Variants in PKD1L1 observed in about 807,000 individuals in gnomAD.
PKD1L1 encodes polycystin-1-like protein 1.
A neutral mutation model predicts 323.4 loss-of-function variants in PKD1L1; 236 were observed. The ratio of observed to expected loss-of-function variants is 0.73; its 90% CI spans 0.66 to 0.81. PKD1L1 has a LOEUF of 0.81. Ranked by LOEUF, PKD1L1 falls within the 40% of genes least tolerant of loss-of-function variation. The pLI, the probability that PKD1L1 is intolerant of heterozygous loss-of-function variation, is 0.00. For synonymous variants in PKD1L1, 1,344 were observed against 1,335.0 expected (o/e 1.01, Z -0.15); for missense variants, 3,320 against 3,508.0 (o/e 0.95, Z 1.35).
chr7:47,867,274 C>A (rs982153591), intron 24 of PKD1L1, among the ~76,000 whole-genome samples: 1 of 152,098 alleles, frequency 6.6e-6, no homozygotes, highest in Non-Finnish European at 1.5e-5. Flanking sequence ...TTAAGTTCAC[C>A]CTTGACCAAT....
At chr7:47,930,729 C>T (rs572989818) in intron 6 of PKD1L1, among the ~76,000 whole-genome samples, 8 of 151,218 alleles carry the variant, frequency 5.3e-5, no homozygotes, top group Admixed American at 1.3e-4. Flanking sequence ...GCAGAAGAAT[C>T]GCTTGAACCC....
intron 26 of PKD1L1, 64 bp from the exon 27 acceptor site, chr7:47,858,949 T>C (rs1439334588): frequency 6.3e-7 from 1 of 1,577,084 alleles, no homozygotes; most frequent in African/African-American, 1.3e-5. Flanking sequence ...CCGGGTGTAT[T>C]TGAGGATGAG....
rs1438269082 is a variant in PKD1L1, at chr7:47,881,975, C to G, written c.3376G>C (p.Val1126Leu). ...GCCTTGGGCCAGTCAATCATGAGGA[C>G]AGGCTCGGCTCTGCCTGCAGACAGG... is the stretch of plus-strand genomic sequence containing the variant. ...PSLSAGRAEP[V>L]LMIDWPKALL... Residue 1126 changes from valine to leucine, a missense_variant, in exon 20 of 57, where the codon GTC (valine) becomes CTC (leucine). Physicochemically the swap from Val to Leu is conservative, Grantham distance 32. Transcript: ENST00000289672. 1 of 1,614,028 alleles carries G rather than the reference C, an allele frequency of 6.2e-7. No homozygotes were observed. Among genetic ancestry groups the G allele is most frequent in the Admixed American group, 1.7e-5 (1 of 59,966 alleles).
rs190988943 is a variant in PKD1L1 at position 47,888,159 on chromosome 7, T to C, written c.2676-9A>G. The stretch of plus-strand genomic sequence containing the variant: ...AGGAGATGTGGACGAATCTGAAATA[T>C]ATAAATTGGCTTGAGATCTTAGGAA... On this transcript the variant is annotated splice_polypyrimidine_tract_variant and intron_variant, in intron 16 of 56. Transcript: ENST00000289672. The C allele has an allele frequency of 4.5e-5, 72 of 1,606,058 alleles. No homozygotes were observed. The highest frequency in any genetic ancestry group is 6.7e-5 in the East Asian group (3 of 44,706).
the PKD1L1 span, among the ~76,000 whole-genome samples, chr7:47,959,672 C>T: frequency 1.3e-4 from 17 of 133,846 alleles, 1 homozygote; most frequent in African/African-American, 4.4e-4. Flanking sequence ...CCCGCCAGGC[C>T]AGCCGCCCCG....
chr7:47,873,513 G>A (rs1674463306), intron 24 of PKD1L1, among the ~76,000 whole-genome samples: 1 of 151,780 alleles, frequency 6.6e-6, no homozygotes, highest in Admixed American at 6.6e-5. Context: ...CAGGCTTGGT[G>A]GCGCACACCT....
chr7:47,923,140 CG>C (rs1787587572), intron 7 of PKD1L1, among the ~76,000 whole-genome samples: 1 of 152,018 alleles, frequency 6.6e-6, no homozygotes, highest in African/African-American at 2.4e-5. Context: ...GCAGCATACT[CG>C]TTAAGAGTCG....
At chr7:47,916,074 A>T (rs1787423695) in intron 7 of PKD1L1, among the ~76,000 whole-genome samples, 1 of 152,226 alleles carries the variant, frequency 6.6e-6, no homozygotes, top group Non-Finnish European at 1.5e-5. Context: ...GACAAATAAA[A>T]GACAAAGAAA....
At chr7:47,901,096 CTG>C (rs1433135846) in intron 13 of PKD1L1, among the ~76,000 whole-genome samples, 3 of 151,712 alleles carry the variant, frequency 2.0e-5, no homozygotes, top group African/African-American at 4.8e-5. Context: ...TCCCAGAACT[CTG>C]GGAGGCCAAG....
upstream of PKD1L1, among the ~76,000 whole-genome samples, chr7:47,949,586 C>T (rs1029721775): frequency 3.9e-5 from 6 of 152,094 alleles, no homozygotes; most frequent in South Asian, 6.2e-4. Context: ...CTCTCCATTA[C>T]GAAACATTTT....
chr7:47,931,233 T>G lies in PKD1L1; in HGVS notation c.608A>C (p.Asp203Ala), dbSNP rs1190993542. The G allele has an allele frequency of 1.9e-6, 3 of 1,614,070 alleles. No homozygotes were observed. Among genetic ancestry groups the G allele is most frequent in the Admixed American group, 1.7e-5 (1 of 60,002 alleles). ...CVLRLLCCAEDVATGLLPGTV... is the reference protein window; with the variant it reads ...CVLRLLCCAEAVATGLLPGTV... ...CCCAGGAAGCAGCCCCGTGGCCACA[T>G]CCTCCGCACAGCACAGCAGTCTCAG... Residue 203 changes from aspartate (D) to alanine (A), a missense_variant, in exon 6 of 57, where the codon GAT becomes GCT. Physicochemically the swap from Asp to Ala is moderately radical, Grantham distance 126. Transcript: ENST00000289672.
At chr7:47,957,862 A>AAAATATATATATAT in the PKD1L1 span, among the ~76,000 whole-genome samples, 20 of 134,666 alleles carry the variant, frequency 1.5e-4, no homozygotes, top group Non-Finnish European at 2.9e-4. Context: ...ATTAAAAAAA[A>AAAATATATATATAT]ATATATATAT....
At chr7:47,852,085 T>C (rs1437716943) in intron 31 of PKD1L1, among the ~76,000 whole-genome samples, 1 of 152,170 alleles carries the variant, frequency 6.6e-6, no homozygotes, top group Non-Finnish European at 1.5e-5. Flanking sequence ...TCATGAGATG[T>C]TTAAGTATTC....
chr7:47,811,857 C>T lies in PKD1L1; in HGVS notation c.7541G>A (p.Arg2514His), dbSNP rs199514547. The change falls in exon 50 of 57, where the codon CGC (arginine) becomes CAC (histidine). Residue 2514 changes from arginine (R) to histidine (H), a missense_variant. By Grantham distance (29) the Arg-to-His change is conservative. Coordinates refer to ENST00000289672, the MANE Select transcript of PKD1L1 (RefSeq NM_138295.5). ...SSLVESFSIF[R>H]SDSALQYHLM... ...GTGGTACTGCAGGGCTGAGTCGCTGCGGAAGATGCTGAATGACTCCACCAG... is the reference window on the plus strand; with the variant it reads ...GTGGTACTGCAGGGCTGAGTCGCTGTGGAAGATGCTGAATGACTCCACCAG... 510 of 1,610,002 alleles carry T rather than the reference C, an allele frequency of 3.2e-4. 1 individual carries two copies. The highest frequency in any genetic ancestry group is 9.9e-4 in the Middle Eastern group (6 of 6,058).
rs756876547 is a variant in PKD1L1 at position 47,884,668 on chromosome 7, G to T, written c.3206-11C>A. On this transcript the variant is annotated splice_polypyrimidine_tract_variant and intron_variant, in intron 18 of 56. Transcript: ENST00000289672. ...AATAGGCTTCAAAATCTATAAGAAA[G>T]GACAAAATCATAATGTTTCCTTTAA... The T allele has an allele frequency of 1.9e-6, 3 of 1,608,156 alleles. No individual in the cohort carries two copies. The highest frequency in any genetic ancestry group is 4.5e-5 in the East Asian group (2 of 44,848).
At chr7:47,879,947 A>AG (rs370997655) in intron 21 of PKD1L1, among the ~76,000 whole-genome samples, 1 of 147,536 alleles carries the variant, frequency 6.8e-6, no homozygotes, top group Non-Finnish European at 1.5e-5. Context: ...AAAATAAAAA[A>AG]TAAAAAAAAA....
intron 16 of PKD1L1, 25 bp downstream of exon 16, chr7:47,890,517 C>G: frequency 6.2e-7 from 1 of 1,606,888 alleles, no homozygotes; most frequent in Non-Finnish European, 8.5e-7. Flanking sequence ...GTGAGCTGAG[C>G]TGTGCTGAAT....
rs182708881 is a variant in PKD1L1 at position 47,882,175 on chromosome 7, T to C, written c.3266-90A>G. The C allele has an allele frequency of 3.5e-5, 45 of 1,285,468 alleles. No individual in the cohort carries two copies. In the African/African-American group the frequency reaches 5.8e-4, roughly 17 times the overall value. 79.6% of individuals were successfully genotyped at this position (1,285,468 alleles called of 1,614,324 possible). On this transcript the variant is annotated intron_variant, in intron 19 of 56. Transcript: ENST00000289672. ...GTGATTCAATGCTGATATTAATAAC[T>C]ATTTGTACTATTGCTGGATACCGCC... is the stretch of plus-strand genomic sequence containing the variant.
chr7:47,801,434 C>T (rs1784659881), intron 53 of PKD1L1, among the ~76,000 whole-genome samples: 1 of 152,218 alleles, frequency 6.6e-6, no homozygotes, highest in Admixed American at 6.5e-5. Context: ...TCCGTTCATG[C>T]TTCTCACTCC....
Sources: gnomAD v4.1 joint callset for allele counts (sites outside exome capture counted in the v4.1 genomes callset) on GRCh38, gnomAD v4.1.1 for gene constraint, MANE v1.5 for transcripts, NCBI Gene and HGNC (gene_info 2026-07-23, HGNC 2026-07-21) for gene names.